The following ABCB11 variants were observed in gnomAD, a reference collection of about 807,000 sequenced individuals.
The protein encoded by ABCB11 is bile salt export pump.
In ABCB11, 95 loss-of-function variants were observed where a neutral mutation model predicts 148.0. The observed-to-expected ratio is 0.64, with a 90% CI of 0.54 to 0.76. The LOEUF is 0.76. Ranked by LOEUF, ABCB11 falls within the 30% of genes least tolerant of loss-of-function variation. The pLI, the probability that ABCB11 is intolerant of heterozygous loss-of-function variation, is 0.00. For synonymous variants in ABCB11, 591 were observed against 555.4 expected (o/e 1.06, Z -0.90); for missense variants, 1,523 against 1,617.8 (o/e 0.94, Z 1.01).
At position 168,979,981 on chromosome 2, in the gene ABCB11, T is replaced by C; in HGVS notation, c.1084-2A>G. 1 of 1,573,650 alleles carries C rather than the reference T, an allele frequency of 6.4e-7. No individual in the cohort carries two copies. Among genetic ancestry groups the C allele is most frequent in the Non-Finnish European group, 8.7e-7 (1 of 1,144,564 alleles). ...TCCTACTATGACACTGAGGAAAATC[T>C]GAAATGAAAAGAGAGAGATTTTTCA... is the stretch of plus-strand genomic sequence containing the variant. On this transcript the variant is annotated splice_acceptor_variant, in intron 10 of 27. Coordinates refer to ENST00000650372, the MANE Select transcript of ABCB11 (RefSeq NM_003742.4). LOFTEE classifies it high-confidence loss of function.
chr2:168,955,586 G>C (rs1692753004), intron 19 of ABCB11, among the ~76,000 whole-genome samples: 1 of 151,534 alleles, frequency 6.6e-6, no homozygotes, highest in South Asian at 2.1e-4. Flanking sequence ...GGGGATTACA[G>C]TTTGACACGA....
chr2:168,955,615 G>A (rs864929), intron 19 of ABCB11, among the ~76,000 whole-genome samples: 69,187 of 151,226 alleles, frequency 0.46, 17,583 homozygotes, highest in South Asian at 0.65. Context: ...TGGGGACACA[G>A]AGCCAAACCA....
rs115515604 is a variant in ABCB11 at position 168,956,113 on chromosome 2, A to G, written c.2343+1851T>C. Among the ~76,000 whole-genome samples the G allele has an allele frequency of 6.7e-3, 1,013 of 151,814 alleles. 13 individuals are homozygous for G. The highest frequency in any genetic ancestry group is 0.023 in the African/African-American group (941 of 41,494). Reference sequence around the variant, plus strand: ...CATGGCAGAAGGTGAAGGGGAAGCAAGGCATGTCTTCACATGGCCAAACCA... The same window carrying G: ...CATGGCAGAAGGTGAAGGGGAAGCAGGGCATGTCTTCACATGGCCAAACCA... On this transcript the variant is annotated intron_variant, in intron 19 of 27. Transcript: ENST00000650372.
At chr2:168,953,395 A>G (rs1692652679) in intron 19 of ABCB11, among the ~76,000 whole-genome samples, 2 of 147,772 alleles carry the variant, frequency 1.4e-5, no homozygotes, top group Admixed American at 6.8e-5. Flanking sequence ...TTGAGTTCAT[A>G]TATATTTAGA....
At position 168,969,673 on chromosome 2, in the gene ABCB11, G is replaced by T. The variant is rs75043801; in HGVS notation, c.1810-122C>A. The T allele has an allele frequency of 0.017, 14,972 of 895,180 alleles. 196 individuals carry two copies. The highest frequency in any genetic ancestry group is 0.047 in the African/African-American group (2,811 of 59,256). 55.5% of individuals were successfully genotyped at this position (895,180 alleles called of 1,614,324 possible). A position where few individuals can be genotyped will look rare whatever the true frequency, so the allele number is the denominator to read the frequency against. On this transcript the variant is annotated intron_variant, in intron 15 of 27. Transcript: ENST00000650372. ...TGGTCCCTGGGAATATTCTTAAATA[G>T]GCTGTGCAGACATTAGAAAAGGCCA...
Position 168,978,132 on chromosome 2 carries a change from CTTTTTTTTTTTTT to C in ABCB11, c.1198-1458_1198-1446del, listed in dbSNP as rs35964117. ...AAGAGGTAGAATTTGAATAAATTGA[CTTTTTTTTTTTTT>C]TTTTTTTTTTTTTTTTCAGAGACAG... On this transcript the variant is annotated intron_variant, in intron 11 of 27. Coordinates refer to ENST00000650372, the MANE Select transcript of ABCB11 (RefSeq NM_003742.4). Among the ~76,000 whole-genome samples the C allele has an allele frequency of 6.5e-3, 346 of 53,134 alleles. 2 individuals carry two copies. Among genetic ancestry groups the C allele is most frequent in the Non-Finnish European group, 9.4e-3 (268 of 28,486 alleles). The allele number at this position is 53,134 out of a possible 152,430, so 34.9% of individuals were successfully genotyped here. A position where few individuals can be genotyped will look rare whatever the true frequency, so the allele number is the denominator to read the frequency against.
intron 19 of ABCB11, among the ~76,000 whole-genome samples, chr2:168,957,368 G>A (rs1692845577): frequency 6.6e-6 from 1 of 151,630 alleles, no homozygotes; most frequent in African/African-American, 2.4e-5. Context: ...CCTGATACAT[G>A]TTCATAGTTA....
At chr2:168,925,992 T>G (rs1347409077) in intron 26 of ABCB11, among the ~76,000 whole-genome samples, 1 of 152,174 alleles carries the variant, frequency 6.6e-6, no homozygotes, top group Admixed American at 6.5e-5. Context: ...AGGTAAGAAC[T>G]GGGCCAAGAG....
chr2:169,024,549 G>T (rs546688737), intron 1 of ABCB11, among the ~76,000 whole-genome samples: 14 of 71,690 alleles, frequency 2.0e-4, no homozygotes, highest in South Asian at 5.6e-4. Flanking sequence ...TAGTATTAAC[G>T]TACCAATGTG....
chr2:168,956,693 T>C (rs1216529457), intron 19 of ABCB11, among the ~76,000 whole-genome samples: 1 of 151,546 alleles, frequency 6.6e-6, no homozygotes, highest in Non-Finnish European at 1.5e-5. Context: ...TCCTGGTATC[T>C]AGGCCCTCAA....
intron 21 of ABCB11, among the ~76,000 whole-genome samples, chr2:168,940,263 C>A (rs1692002314): frequency 6.6e-6 from 1 of 151,558 alleles, no homozygotes; most frequent in Non-Finnish European, 1.5e-5. Flanking sequence ...TGAGATAGGA[C>A]TAAATAAATA....
At chr2:168,985,253 G>A (rs529273699) in intron 10 of ABCB11, among the ~76,000 whole-genome samples, 6 of 152,250 alleles carry the variant, frequency 3.9e-5, no homozygotes, top group African/African-American at 1.4e-4. Flanking sequence ...CATAATAGAT[G>A]TTGGCATGGA....
At chr2:168,980,144 G>A (rs1428887216) in intron 10 of ABCB11, among the ~76,000 whole-genome samples, 165 bp from the exon 11 acceptor site, 2 of 152,030 alleles carry the variant, frequency 1.3e-5, no homozygotes, top group African/African-American at 4.8e-5. Flanking sequence ...AATAATTTTT[G>A]TTCTGTAAAG....
intron 1 of ABCB11, among the ~76,000 whole-genome samples, chr2:169,027,037 T>C (rs115838563): frequency 0.024 from 3,633 of 152,322 alleles, 121 homozygotes; most frequent in African/African-American, 0.081. Flanking sequence ...AATTAGGGTT[T>C]CTTAACAAAT....
chr2:168,928,409 T>C (rs965676731), intron 25 of ABCB11, among the ~76,000 whole-genome samples: 6 of 151,980 alleles, frequency 3.9e-5, no homozygotes, highest in African/African-American at 1.5e-4. Flanking sequence ...GGTATCCAAA[T>C]AAATGTTGAA....
intron 1 of ABCB11, among the ~76,000 whole-genome samples, chr2:169,030,578 T>C (rs1419882008): frequency 6.6e-6 from 1 of 152,218 alleles, no homozygotes; most frequent in African/African-American, 2.4e-5. Context: ...ATTCCCAGTC[T>C]GAAGTGTGAA....
At chr2:169,003,236 C>T (rs1431586471) in intron 5 of ABCB11, among the ~76,000 whole-genome samples, 1 of 151,890 alleles carries the variant, frequency 6.6e-6, no homozygotes, top group Non-Finnish European at 1.5e-5. Flanking sequence ...AGTTACTTCA[C>T]TTAGAATAAT....
rs1691105900 is a variant in ABCB11 at position 168,922,340 on chromosome 2, G to C, written c.*1282C>G. Reference sequence around the variant, plus strand: ...AAACCTCCCTGTGAGCCTCCTCAGAGAGGGAGTATGCAGTTTCTCGCTGGA... The same window carrying C: ...AAACCTCCCTGTGAGCCTCCTCAGACAGGGAGTATGCAGTTTCTCGCTGGA... On this transcript the variant is annotated 3_prime_UTR_variant, in exon 28 of 28. Coordinates refer to ENST00000650372, the MANE Select transcript of ABCB11 (RefSeq NM_003742.4). 6.6e-6 allele frequency among the ~76,000 whole-genome samples: 1 copy of C among 152,218 alleles called. No homozygotes were observed. Among genetic ancestry groups the C allele is most frequent in the African/African-American group, 2.4e-5 (1 of 41,446 alleles).
Position 169,018,202 on chromosome 2 carries a change from C to T in ABCB11, c.-27-50G>A, listed in dbSNP as rs4148772. 61,704 of 1,516,588 alleles carry T rather than the reference C, an allele frequency of 0.041. 1,523 individuals are homozygous for T. Among genetic ancestry groups the T allele is most frequent in the African/African-American group, 0.067 (4,847 of 72,400 alleles). 93.9% of individuals were successfully genotyped at this position (1,516,588 alleles called of 1,614,324 possible). On this transcript the variant is annotated intron_variant, in intron 1 of 27. Transcript: ENST00000650372. ...TTGCAATTATTATCTCTTCTTTCTT[C>T]TTTAATCAAAGTAGCCAAACGAAAG...
Sources: allele counts gnomAD v4.1 joint callset (sites outside exome capture counted in the v4.1 genomes callset), GRCh38; gene constraint gnomAD v4.1.1; transcripts MANE v1.5; gene names NCBI Gene and HGNC (gene_info 2026-07-23, HGNC 2026-07-21).